The following EVC2 variants were observed in gnomAD, a reference collection of about 807,000 sequenced individuals.
EVC2 encodes the protein limbin.
EVC2 carries 148 observed loss-of-function variants against 149.3 expected under a neutral mutation model. The observed-to-expected ratio is 0.99, with a 90% CI of 0.87 to 1.14. The LOEUF (loss-of-function observed/expected upper bound fraction) is 1.14. Among genes scored for constraint, EVC2 ranks in the 50% most tolerant of loss-of-function variants. The pLI is 0.00. For missense variants in EVC2, 1,854 were observed against 1,627.3 expected, an observed-to-expected ratio of 1.14 and a Z score of -2.40; for synonymous variants, 776 against 649.9, an observed-to-expected ratio of 1.19 and a Z score of -2.95.
intron 16 of EVC2, among the ~76,000 whole-genome samples, chr4:5,591,625 T>C (rs1034747387): frequency 1.3e-5 from 2 of 152,208 alleles, no homozygotes; most frequent in Admixed American, 6.5e-5. Context: ...GTATATACTG[T>C]ATGAACAACA....
intron 3 of EVC2, among the ~76,000 whole-genome samples, chr4:5,692,558 C>T (rs1187321714): frequency 6.6e-6 from 1 of 152,176 alleles, no homozygotes; most frequent in Non-Finnish European, 1.5e-5. Context: ...CAGTGTAACC[C>T]TCTCATTGTG....
In EVC2 at chr4:5,625,154, C is replaced by A. The variant is rs1300477179; in HGVS notation, c.2046+595G>T. ...CACTATCCTTGGATGGAAGGTAACC[C>A]CTTAGCACGGCACACCATGCCCCCA... is the stretch of plus-strand genomic sequence containing the variant. On this transcript the variant is annotated intron_variant, in intron 13 of 21. Coordinates refer to ENST00000344408, the MANE Select transcript of EVC2 (RefSeq NM_147127.5). This position sits in a 1 kb window ranked among gnomAD's most constrained non-coding sequence, Gnocchi z 4.0. Among the ~76,000 whole-genome samples the A allele has an allele frequency of 6.6e-6, 1 of 152,076 alleles. No individual in the cohort carries two copies. The highest frequency in any genetic ancestry group is 2.4e-5 in the African/African-American group (1 of 41,402).
At chr4:5,629,677 T>A (rs1415874305) in intron 11 of EVC2, among the ~76,000 whole-genome samples, 1 of 152,210 alleles carries the variant, frequency 6.6e-6, no homozygotes, top group Non-Finnish European at 1.5e-5. Context: ...ACTTGGGAAT[T>A]AGCATCATCC....
At chr4:5,546,325 C>G (rs976262363) in intron 21 of EVC2, among the ~76,000 whole-genome samples, 1 of 152,118 alleles carries the variant, frequency 6.6e-6, no homozygotes, top group Non-Finnish European at 1.5e-5. Context: ...AAATGTCCAA[C>G]AACGATAGAC....
downstream of EVC2, among the ~76,000 whole-genome samples, chr4:5,561,321 A>G (rs1721951653): frequency 2.0e-5 from 3 of 152,140 alleles, no homozygotes; most frequent in Admixed American, 2.0e-4. Flanking sequence ...TCCCAAGACC[A>G]TGCATGCTCC....
Position 5,637,323 on chromosome 4 carries a change from T to C in EVC2, c.1470+3191A>G, listed in dbSNP as rs1456496670. Among the ~76,000 whole-genome samples the C allele has an allele frequency of 6.6e-6, 1 of 152,038 alleles. No homozygotes were observed. Among genetic ancestry groups the C allele is most frequent in the Admixed American group, 6.6e-5 (1 of 15,254 alleles). Reference sequence around the variant, plus strand: ...CAGGAGGGGGCAGTGTGCGCAGTGGTTGGGGGCATGCTGCTGGACATGAGG... The same window carrying C: ...CAGGAGGGGGCAGTGTGCGCAGTGGCTGGGGGCATGCTGCTGGACATGAGG... On this transcript the variant is annotated intron_variant, in intron 10 of 21. Coordinates refer to ENST00000344408, the MANE Select transcript of EVC2 (RefSeq NM_147127.5). This position sits in a 1 kb window ranked among gnomAD's most constrained non-coding sequence, Gnocchi z 4.4.
intron 16 of EVC2, among the ~76,000 whole-genome samples, chr4:5,601,077 T>C (rs544271954): frequency 2.0e-5 from 3 of 152,294 alleles, no homozygotes; most frequent in South Asian, 4.1e-4. Context: ...TCAACTAGCC[T>C]TGATGAAAGA....
At chr4:5,568,738 T>A (rs916513667) in intron 19 of EVC2, 98 bp from the exon 20 acceptor site, 1 of 1,295,826 alleles carries the variant, frequency 7.7e-7, no homozygotes, top group Non-Finnish European at 1.1e-6. Context: ...TGTCCTGGAG[T>A]GATAAATATT....
chr4:5,549,602 G>C (rs555623417), intron 21 of EVC2, among the ~76,000 whole-genome samples: 2 of 152,290 alleles, frequency 1.3e-5, no homozygotes, highest in East Asian at 3.9e-4. Context: ...TTACAAATAA[G>C]AAAAATGAAG....
At chr4:5,665,886 C>T (rs1234743403) in intron 7 of EVC2, among the ~76,000 whole-genome samples, 1 of 152,178 alleles carries the variant, frequency 6.6e-6, no homozygotes, top group African/African-American at 2.4e-5. Context: ...GTGATTTGCA[C>T]ACAATAGCAC....
At position 5,698,075 on chromosome 4, in the gene EVC2, G is replaced by T. The variant is rs1362172279; in HGVS notation, c.229-428C>A. On this transcript the variant is annotated intron_variant, in intron 1 of 21. Coordinates refer to ENST00000344408, the MANE Select transcript of EVC2 (RefSeq NM_147127.5). Reference sequence around the variant, plus strand: ...CAAGGACCTGCACTTTCATCCAGAAGTGTGAAGTAAACTTTTCTAAGTCGG... The same window carrying T: ...CAAGGACCTGCACTTTCATCCAGAATTGTGAAGTAAACTTTTCTAAGTCGG... 2.0e-5 allele frequency among the ~76,000 whole-genome samples: 3 copies of T among 152,140 alleles called. No individual in the cohort carries two copies. In the South Asian group the frequency reaches 6.2e-4, roughly 31 times the overall value.
chr4:5,641,091 C>G (rs1317682897), intron 9 of EVC2, among the ~76,000 whole-genome samples: 1 of 152,016 alleles, frequency 6.6e-6, no homozygotes, highest in Non-Finnish European at 1.5e-5. Context: ...TTTCTGTCAA[C>G]AAGTAACAAG....
At chr4:5,565,625 A>C (rs574536156) in intron 20 of EVC2, among the ~76,000 whole-genome samples, 2 of 151,262 alleles carry the variant, frequency 1.3e-5, no homozygotes, top group East Asian at 3.9e-4. Flanking sequence ...GTGAGCTGAG[A>C]TCACGCCATT....
chr4:5,641,436 T>G (rs1717321996), intron 9 of EVC2, among the ~76,000 whole-genome samples: 1 of 152,190 alleles, frequency 6.6e-6, no homozygotes, highest in Non-Finnish European at 1.5e-5. Context: ...ATTATCTGTA[T>G]TATCTTCTCA....
intron 9 of EVC2, among the ~76,000 whole-genome samples, chr4:5,661,016 T>C (rs1718843213): frequency 2.0e-5 from 3 of 152,230 alleles, no homozygotes; most frequent in African/African-American, 7.2e-5. Context: ...TTTCTAAATG[T>C]GACATAAACA....
chr4:5,640,507 G>C lies in EVC2; in HGVS notation c.1470+7C>G. The C allele has an allele frequency of 6.2e-7, 1 of 1,614,088 alleles. No homozygotes were observed. Among genetic ancestry groups the C allele is most frequent in the East Asian group, 2.2e-5 (1 of 44,864 alleles). ...AAGTGAACGCCTTCCTTTCAGACCT[G>C]TCTTACCCTCTCACCAGCACGTTTC... On this transcript the variant is annotated splice_region_variant and intron_variant, in intron 10 of 21. Coordinates refer to ENST00000344408, the MANE Select transcript of EVC2 (RefSeq NM_147127.5). This position sits in a 1 kb window ranked among gnomAD's most constrained non-coding sequence, Gnocchi z 4.6.
In EVC2 at chr4:5,570,694, T is replaced by C. The variant is rs116623322; in HGVS notation, c.3361-2054A>G. On this transcript the variant is annotated intron_variant, in intron 19 of 21. Coordinates refer to ENST00000344408, the MANE Select transcript of EVC2 (RefSeq NM_147127.5). ...ATTATATGAAAAAGACACATGGACA[T>C]GCATGTTTATAGCAGCACGATTCAC... Among the ~76,000 whole-genome samples, 392 of 152,264 alleles carry C rather than the reference T, an allele frequency of 2.6e-3. 1 individual carries two copies. Among genetic ancestry groups the C allele is most frequent in the Non-Finnish European group, 4.6e-3 (312 of 68,028 alleles).
chr4:5,530,937 G>A, the EVC2 span, among the ~76,000 whole-genome samples: 1 of 152,192 alleles, frequency 6.6e-6, no homozygotes. Context: ...ATGCTGAGCA[G>A]TTGCATGGAT....
At chr4:5,628,441 G>A in intron 12 of EVC2, 118 bp downstream of exon 12, 1 of 1,336,330 alleles carries the variant, frequency 7.5e-7, no homozygotes, top group Non-Finnish European at 1.0e-6. Flanking sequence ...CCAGCCTCTA[G>A]AACTATGAAC....
Sources: allele counts gnomAD v4.1 joint callset (sites outside exome capture counted in the v4.1 genomes callset), GRCh38; gene constraint gnomAD v4.1.1; non-coding constraint Gnocchi (gnomAD v3.1); transcripts MANE v1.5; gene names NCBI Gene and HGNC (gene_info 2026-07-23, HGNC 2026-07-21).